KCNH2: variants seen among roughly 807,000 people sequenced by gnomAD.
KCNH2 encodes the protein voltage-gated inwardly rectifying potassium channel KCNH2.
In KCNH2, 35 loss-of-function variants were observed where a neutral mutation model predicts 95.9. The ratio of observed to expected loss-of-function variants is 0.37; its 90% confidence interval spans 0.28 to 0.48. KCNH2 has a LOEUF of 0.48. KCNH2 is among the 20% of genes least tolerant of loss of function. KCNH2 has a pLI of 0.99. For synonymous variants in KCNH2, 786 were observed against 754.7 expected (o/e 1.04, Z -0.68); for missense variants, 1,274 against 1,702.9 (o/e 0.75, Z 4.43).
At chr7:150,955,295 C>T in intron 5 of KCNH2, 1 of 1,226,578 alleles carries the variant, frequency 8.2e-7, no homozygotes, top group South Asian at 1.3e-5. Flanking sequence ...TTCCTACTTC[C>T]CAGCAGCCCT....
At position 150,945,255 on chromosome 7, in the gene KCNH2, G is replaced by A. The variant is rs1424742259; in HGVS notation, c.*110C>T. On this transcript the variant is annotated 3_prime_UTR_variant, in exon 15 of 15. Transcript: ENST00000262186. The surrounding 1 kb of genome is among the most constrained non-coding windows in gnomAD (Gnocchi z 5.6). ...GCTGGGGGAGGAGCTGTGCTTTCGA[G>A]TTCCTCTCCCCTTCCACGGTCAGGG... 1.4e-5 allele frequency: 17 copies of A among 1,240,976 alleles called. No homozygotes were observed. The South Asian group carries it at 2.0e-4, about 14-fold the overall frequency. 76.9% of individuals were successfully genotyped at this position (1,240,976 alleles called of 1,614,324 possible).
In KCNH2 at chr7:150,952,302, TTCTC is replaced by T; in HGVS notation, c.1557+119_1557+122del. The T allele has an allele frequency of 9.1e-7, 1 of 1,096,842 alleles. No homozygotes were observed. Among genetic ancestry groups the T allele is most frequent in the Non-Finnish European group, 1.3e-6 (1 of 746,898 alleles). 67.9% of individuals were successfully genotyped at this position (1,096,842 alleles called of 1,614,324 possible). ...CCACCATGTCTCTCTCCCACTGTCT[TTCTC>T]TCTTTCTCTCTCTCTCTCTTTTTCT... On this transcript the variant is annotated intron_variant, in intron 6 of 14. Coordinates refer to ENST00000262186, the MANE Select transcript of KCNH2 (RefSeq NM_000238.4). This position sits in a 1 kb window ranked among gnomAD's most constrained non-coding sequence, Gnocchi z 7.3.
chr7:150,948,489 GACTGAA>G lies in KCNH2; in HGVS notation c.2641_2646del (p.Phe881_Ser882del). 1 of 1,539,584 alleles carries G rather than the reference GACTGAA, an allele frequency of 6.5e-7. No homozygotes were observed. The highest frequency in any genetic ancestry group is 8.8e-7 in the Non-Finnish European group (1 of 1,134,240). The stretch of plus-strand genomic sequence containing the variant: ...AAGGACAACTTGCGCTTGCGTTGCC[GACTGAA>G]GCCACCCTCTAACTCCGTACTGCCG... On this transcript the variant is annotated inframe_deletion, in exon 11 of 15. Coordinates refer to ENST00000262186, the MANE Select transcript of KCNH2 (RefSeq NM_000238.4).
chr7:150,974,613 C>CCCCCCCCCCCCCCCCCCCCCCCCCCCCCT, intron 2 of KCNH2, 98 bp downstream of exon 2: 2 of 791,670 alleles, frequency 2.5e-6, no homozygotes, highest in Non-Finnish European at 3.8e-6. Context: ...CTCCAGCCGC[C>CCCCCCCCCCCCCCCCCCCCCCCCCCCCCT]CCCACACCCC....
chr7:150,949,913 C>G lies in KCNH2; in HGVS notation c.2398+255G>C, dbSNP rs1326244447. On this transcript the variant is annotated intron_variant, in intron 9 of 14. Coordinates refer to ENST00000262186, the MANE Select transcript of KCNH2 (RefSeq NM_000238.4). ...TAGATTTGATCCTACTTTAAGGAAG[C>G]AAAAAGTGTCTGTTTGTGGCGGATC... 5 of 1,490,918 alleles carry G rather than the reference C, an allele frequency of 3.4e-6. No homozygotes were observed. Among genetic ancestry groups the G allele is most frequent in the Admixed American group, 2.1e-5 (1 of 48,398 alleles). The allele number at this position is 1,490,918 out of a possible 1,614,324, so 92.4% of individuals were successfully genotyped here.
chr7:150,951,913 G>C, intron 6 of KCNH2, 78 bp from the exon 7 acceptor site: 1 of 1,371,536 alleles, frequency 7.3e-7, no homozygotes, highest in South Asian at 1.4e-5. Context: ...GCGGCCCTCA[G>C]AGCGAGCATC....
At chr7:150,951,173 C>T in intron 7 of KCNH2, 53 bp from the exon 8 acceptor site, 1 of 1,456,372 alleles carries the variant, frequency 6.9e-7, no homozygotes, top group South Asian at 1.2e-5. Flanking sequence ...CCCACCCACC[C>T]ACAGGGACCC....
rs754620014 is a variant in KCNH2 at position 150,959,536 on chromosome 7, G to A, written c.472+36C>T. 60 of 1,610,736 alleles carry A rather than the reference G, an allele frequency of 3.7e-5. No homozygotes were observed. The Middle Eastern group carries it at 6.6e-4, about 18-fold the overall frequency. The stretch of plus-strand genomic sequence containing the variant: ...CACAGCCCCAAAGAAATGAGACCAC[G>A]AACCCCTGAGCCTGCCCTAAAGCAA... On this transcript the variant is annotated intron_variant, in intron 3 of 14. Coordinates refer to ENST00000262186, the MANE Select transcript of KCNH2 (RefSeq NM_000238.4).
chr7:150,949,490 T>A, intron 9 of KCNH2: 1 of 750,200 alleles, frequency 1.3e-6, no homozygotes, highest in South Asian at 4.1e-5. Flanking sequence ...AATGCTAGAA[T>A]GAACCACATG....
At chr7:150,950,449 C>T (rs759538586) in intron 8 of KCNH2, 29 bp from the exon 9 acceptor site, 19 of 1,608,006 alleles carry the variant, frequency 1.2e-5, no homozygotes, top group Non-Finnish European at 1.4e-5. Context: ...CAGCTCAGCA[C>T]ACCCTCCCTT....
rs573503971 is a variant in KCNH2, at chr7:150,945,160, C to G, written c.*205G>C. 1 of 623,634 alleles carries G rather than the reference C, an allele frequency of 1.6e-6. No individual in the cohort carries two copies. Among genetic ancestry groups the G allele is most frequent in the Admixed American group, 3.0e-5 (1 of 33,628 alleles). 38.6% of individuals were successfully genotyped at this position (623,634 alleles called of 1,614,324 possible). A position where few individuals can be genotyped will look rare whatever the true frequency, so the allele number is the denominator to read the frequency against. ...GGCAGTGGGGGGACCACAGGCCCCACCTACTGCCGGCCCTGCCCCTGCCCC... is the reference window on the plus strand; with the variant it reads ...GGCAGTGGGGGGACCACAGGCCCCAGCTACTGCCGGCCCTGCCCCTGCCCC... On this transcript the variant is annotated 3_prime_UTR_variant, in exon 15 of 15. Coordinates refer to ENST00000262186, the MANE Select transcript of KCNH2 (RefSeq NM_000238.4). This position sits in a 1 kb window ranked among gnomAD's most constrained non-coding sequence, Gnocchi z 5.6.
intron 2 of KCNH2, 44 bp from the exon 3 acceptor site, chr7:150,959,780 G>A (rs370161940): frequency 7.4e-6 from 12 of 1,612,572 alleles, no homozygotes; most frequent in Admixed American, 1.7e-5. Flanking sequence ...CCACTCAGTG[G>A]GCAGAGCAGA....
Position 150,958,397 on chromosome 7 carries a change from GC to G in KCNH2, c.577del (p.Ala193ProfsTer8). The G allele has an allele frequency of 2.1e-6, 3 of 1,454,532 alleles. No individual in the cohort carries two copies. Among genetic ancestry groups the G allele is most frequent in the East Asian group, 6.0e-5 (2 of 33,204 alleles). The allele number at this position is 1,454,532 out of a possible 1,614,324, so 90.1% of individuals were successfully genotyped here. On this transcript the variant is annotated frameshift_variant, in exon 4 of 15. Transcript: ENST00000262186. LOFTEE classifies it high-confidence loss of function. The stretch of plus-strand genomic sequence containing the variant: ...CGTCAGGTCCACGTCCACCACCACG[GC>G]CCCCGGGGCGCCCGCGCCGCCCGCG... ...GGAGGAGAPGAVVVDVDLTPA... is the reference protein window; with the variant it reads ...GGAGGAGAPGXVVVDVDLTPA...
chr7:150,961,227 C>T lies in KCNH2; in HGVS notation c.308-1491G>A, dbSNP rs1354166943. ...ACAGGCCATGCTGACAGGGAGGCTG[C>T]AGGCATGGGGGAGAGGCAAGGGTGA... On this transcript the variant is annotated intron_variant, in intron 2 of 14. Transcript: ENST00000262186. The surrounding 1 kb of genome is among the most constrained non-coding windows in gnomAD (Gnocchi z 6.2). Among the ~76,000 whole-genome samples the T allele has an allele frequency of 1.3e-5, 2 of 152,030 alleles. No individual in the cohort carries two copies. Among genetic ancestry groups the T allele is most frequent in the Non-Finnish European group, 1.5e-5 (1 of 68,028 alleles).
Position 150,962,885 on chromosome 7 carries a change from G to A in KCNH2, c.308-3149C>T, listed in dbSNP as rs567678046. On this transcript the variant is annotated intron_variant, in intron 2 of 14. Transcript: ENST00000262186. This position sits in a 1 kb window ranked among gnomAD's most constrained non-coding sequence, Gnocchi z 5.7. The stretch of plus-strand genomic sequence containing the variant: ...CTGCCTGCAACCACCCTGCCGCGTC[G>A]GCTGGGGCTTCGGTGAACTGCCACA... 5.9e-5 allele frequency among the ~76,000 whole-genome samples: 9 copies of A among 152,214 alleles called. No homozygotes were observed. Among genetic ancestry groups the A allele is most frequent in the South Asian group, 2.1e-4 (1 of 4,816 alleles).
At chr7:150,968,919 A>G (rs553230354) in intron 2 of KCNH2, among the ~76,000 whole-genome samples, 1 of 152,320 alleles carries the variant, frequency 6.6e-6, no homozygotes, top group East Asian at 1.9e-4. Flanking sequence ...GAGGAGAATG[A>G]GCTCTGGCAC....
intron 2 of KCNH2, among the ~76,000 whole-genome samples, chr7:150,972,833 T>C (rs1221151892): frequency 1.3e-5 from 2 of 152,144 alleles, no homozygotes; most frequent in Admixed American, 6.5e-5. Flanking sequence ...AGGGGGCCCA[T>C]AGCCATCCTC....
intron 2 of KCNH2, among the ~76,000 whole-genome samples, chr7:150,973,753 G>A (rs1801897650): frequency 6.6e-6 from 1 of 152,236 alleles, no homozygotes; most frequent in Non-Finnish European, 1.5e-5. Flanking sequence ...ACAGAAAGCA[G>A]AGCGTGCTCA....
intron 5 of KCNH2, 25 bp downstream of exon 5, chr7:150,957,266 G>C: frequency 6.5e-7 from 1 of 1,543,954 alleles, no homozygotes; most frequent in Non-Finnish European, 8.8e-7. Flanking sequence ...AAGGTGAGAG[G>C]AGAGCCCGGC....
Sources: allele counts gnomAD v4.1 joint callset (sites outside exome capture counted in the v4.1 genomes callset), GRCh38; gene constraint gnomAD v4.1.1; non-coding constraint Gnocchi (gnomAD v3.1); transcripts MANE v1.5; gene names NCBI Gene and HGNC (gene_info 2026-07-23, HGNC 2026-07-21).